The following RYR2 variants were observed in gnomAD, a reference collection of about 807,000 sequenced individuals.
RYR2 encodes the protein cardiac muscle ryanodine receptor-calcium release channel.
In RYR2, 227 loss-of-function variants were observed where a neutral mutation model predicts 601.1. The observed-to-expected ratio is 0.38, with a 90% CI of 0.34 to 0.42. The LOEUF (loss-of-function observed/expected upper bound fraction) is 0.42, where lower values mean the gene tolerates loss of function less well. Ranked by LOEUF, RYR2 falls within the 10% of genes least tolerant of loss-of-function variation. The pLI is 1.00. For missense variants in RYR2, 4,646 were observed against 6,156.5 expected, an observed-to-expected ratio of 0.75 and a Z score of 8.21; for synonymous variants, 2,223 against 2,175.1, an observed-to-expected ratio of 1.02 and a Z score of -0.61.
rs1387713335 is a variant in RYR2, at chr1:237,275,029, CATT to C, written c.168+4415_168+4417del. On this transcript the variant is annotated intron_variant, in intron 2 of 104. Transcript: ENST00000366574. ...ACACATTTCTAGCATGTGTCCCCAT[CATT>C]AAGTGATGCATGTCTGTATATATAT... Among the ~76,000 whole-genome samples, 10 of 151,870 alleles carry C rather than the reference CATT, an allele frequency of 6.6e-5. No homozygotes were observed. In the East Asian group the frequency reaches 1.9e-3, roughly 30 times the overall value.
At chr1:237,454,984 AGGAAGCTTCGTGTTGG>A (rs1174436224) in intron 15 of RYR2, among the ~76,000 whole-genome samples, 2 of 152,162 alleles carry the variant, frequency 1.3e-5, no homozygotes, top group Admixed American at 6.5e-5. Context: ...CAGGATCTAT[AGGAAGCTTCGTGTTGG>A]GGATGGAAGC....
At chr1:237,687,147 T>G (rs1041912892) in intron 62 of RYR2, among the ~76,000 whole-genome samples, 2 of 152,130 alleles carry the variant, frequency 1.3e-5, no homozygotes, top group African/African-American at 4.8e-5. Context: ...ATGGGGTTCA[T>G]ATAGATTGCT....
chr1:237,634,635 G>A (rs143374517), intron 43 of RYR2, among the ~76,000 whole-genome samples: 48 of 152,262 alleles, frequency 3.2e-4, no homozygotes, highest in South Asian at 2.9e-3. Context: ...TGTATGTGAG[G>A]TAATATGTAT....
At chr1:237,812,894 GT>G (rs34829137) in intron 100 of RYR2, among the ~76,000 whole-genome samples, 5,205 of 148,216 alleles carry the variant, frequency 0.035, 137 homozygotes, top group African/African-American at 0.075. Context: ...AAATGTATAA[GT>G]TTTTTTTTTT....
chr1:237,122,466 G>T (rs2148654895), intron 1 of RYR2, among the ~76,000 whole-genome samples: 1 of 152,286 alleles, frequency 6.6e-6, no homozygotes, highest in African/African-American at 2.4e-5. Context: ...GGGATCACTT[G>T]AGGCCAGGAG....
At chr1:237,100,808 G>A (rs941953794) in intron 1 of RYR2, among the ~76,000 whole-genome samples, 10 of 152,112 alleles carry the variant, frequency 6.6e-5, no homozygotes, top group African/African-American at 1.2e-4. Flanking sequence ...GTTTTTATAC[G>A]CAACACTAGG....
chr1:237,484,428 G>A (rs960001040), intron 17 of RYR2, among the ~76,000 whole-genome samples: 6 of 152,132 alleles, frequency 3.9e-5, no homozygotes, highest in African/African-American at 1.4e-4. Context: ...AGTGATCATG[G>A]GAGCACCAGC....
In RYR2 at chr1:237,297,464, G is replaced by C. The variant is rs16835105; in HGVS notation, c.168+26848G>C. 2.0e-3 allele frequency among the ~76,000 whole-genome samples: 304 copies of C among 152,210 alleles called. 4 individuals are homozygous for C. The highest frequency in any genetic ancestry group is 7.1e-3 in the African/African-American group (293 of 41,534). On this transcript the variant is annotated intron_variant, in intron 2 of 104. Transcript: ENST00000366574. ...CCACAGGAAAGAAAAGTAAAGGTGG[G>C]TATTAGACTTAAAGACTTCAGTACA...
At chr1:237,533,987 T>G (rs1204333087) in intron 25 of RYR2, among the ~76,000 whole-genome samples, 2 of 152,094 alleles carry the variant, frequency 1.3e-5, no homozygotes, top group African/African-American at 4.8e-5. Context: ...GATACACCAT[T>G]AGTCATAACA....
At chr1:237,122,033 C>A (rs1267749985) in intron 1 of RYR2, among the ~76,000 whole-genome samples, 1 of 152,156 alleles carries the variant, frequency 6.6e-6, no homozygotes, top group Non-Finnish European at 1.5e-5. Context: ...ACCTGCCTTA[C>A]CTGTTTTGGG....
At chr1:237,576,960 C>T (rs1263906703) in intron 29 of RYR2, among the ~76,000 whole-genome samples, 1 of 152,152 alleles carries the variant, frequency 6.6e-6, no homozygotes, top group Non-Finnish European at 1.5e-5. Context: ...CCTGACAATA[C>T]TCAGCATTGG....
intron 1 of RYR2, among the ~76,000 whole-genome samples, chr1:237,119,708 T>G (rs968117262): frequency 6.6e-6 from 1 of 152,172 alleles, no homozygotes; most frequent in Non-Finnish European, 1.5e-5. Context: ...ACAGGAACAG[T>G]CTCTACTAAA....
chr1:237,100,267 T>G (rs1667936625), intron 1 of RYR2, among the ~76,000 whole-genome samples: 1 of 152,174 alleles, frequency 6.6e-6, no homozygotes, highest in African/African-American at 2.4e-5. Context: ...ATTTACTAAG[T>G]CCCTCCTGCA....
chr1:237,250,820 A>G (rs541297166), intron 1 of RYR2, among the ~76,000 whole-genome samples: 2 of 152,242 alleles, frequency 1.3e-5, no homozygotes, highest in East Asian at 3.9e-4. Flanking sequence ...CAGCATGTAA[A>G]CATGTGATCA....
intron 80 of RYR2, among the ~76,000 whole-genome samples, chr1:237,750,573 G>A (rs978701967): frequency 5.0e-4 from 75 of 150,698 alleles, no homozygotes; most frequent in African/African-American, 1.8e-3. Context: ...AATATAGTAT[G>A]TAATATATAA....
chr1:237,211,019 G>GT (rs35845810), intron 1 of RYR2, among the ~76,000 whole-genome samples: 56,472 of 152,092 alleles, frequency 0.37, 12,615 homozygotes, highest in Admixed American at 0.49. Context: ...CAGGGACGAT[G>GT]TTTGGGCTGC....
chr1:237,507,927 A>G (rs552203905), intron 23 of RYR2, among the ~76,000 whole-genome samples: 10 of 152,222 alleles, frequency 6.6e-5, no homozygotes, highest in Non-Finnish European at 1.2e-4. Flanking sequence ...TTACACCAAC[A>G]AACACTTGGG....
intron 1 of RYR2, among the ~76,000 whole-genome samples, chr1:237,194,104 C>T (rs1476847425): frequency 6.6e-6 from 1 of 152,154 alleles, no homozygotes; most frequent in East Asian, 1.9e-4. Flanking sequence ...CTAAATATTT[C>T]CTTTGCATAA....
intron 2 of RYR2, among the ~76,000 whole-genome samples, chr1:237,316,384 C>G (rs1316567934): frequency 2.0e-5 from 3 of 152,118 alleles, no homozygotes; most frequent in African/African-American, 4.8e-5. Flanking sequence ...ATACAGAAAA[C>G]TCAATCCTTT....
Sources: allele counts gnomAD v4.1 joint callset (sites outside exome capture counted in the v4.1 genomes callset), GRCh38; gene constraint gnomAD v4.1.1; transcripts MANE v1.5; gene names NCBI Gene and HGNC (gene_info 2026-07-23, HGNC 2026-07-21).